The following PIEZO2 variants were observed in gnomAD, a reference collection of about 807,000 sequenced individuals.
PIEZO2 encodes piezo type mechanosensitive ion channel component 2.
Under a neutral mutation model 337.3 loss-of-function variants are expected in PIEZO2, and 172 were observed. The ratio of observed to expected loss-of-function variants is 0.51; its 90% CI spans 0.45 to 0.58. The LOEUF (loss-of-function observed/expected upper bound fraction) is 0.58. PIEZO2 is among the 20% of genes least tolerant of loss of function. The pLI, the probability that PIEZO2 is intolerant of heterozygous loss-of-function variation, is 0.00. For missense variants in PIEZO2, 3,028 were observed against 3,391.3 expected (o/e 0.89, Z 2.66); for synonymous variants, 1,251 against 1,228.5 (o/e 1.02, Z -0.38).
rs367642769 is a variant in PIEZO2, at chr18:10,693,551, C to T, written c.7191-2168G>A. Among the ~76,000 whole-genome samples the T allele has an allele frequency of 5.9e-4, 88 of 149,134 alleles. 1 individual carries two copies. Among genetic ancestry groups the T allele is most frequent in the African/African-American group, 1.7e-3 (69 of 40,694 alleles). ...CATAAGGCATTTTTTTTTTTTAAGACGGGGTTTCACCATATTGGCCAGGCT... is the reference window on the plus strand; with the variant it reads ...CATAAGGCATTTTTTTTTTTTAAGATGGGGTTTCACCATATTGGCCAGGCT... On this transcript the variant is annotated intron_variant, in intron 47 of 55. Transcript: ENST00000674853.
rs2039339241 is a variant in PIEZO2 at position 11,099,039 on chromosome 18, A to G, written c.65-32817T>C. 6.6e-6 allele frequency among the ~76,000 whole-genome samples: 1 copy of G among 151,904 alleles called. No individual in the cohort carries two copies. Among genetic ancestry groups the G allele is most frequent in the Non-Finnish European group, 1.5e-5 (1 of 67,986 alleles). On this transcript the variant is annotated intron_variant, in intron 1 of 55. Transcript: ENST00000674853. The surrounding 1 kb of genome is among the most constrained non-coding windows in gnomAD (Gnocchi z 5.4). ...AGGCTGTCTCAAACTCCTTGGCTCA[A>G]GAGATCCTCTTGCCTCAGCCTCCCA... is the stretch of plus-strand genomic sequence containing the variant.
intron 1 of PIEZO2, among the ~76,000 whole-genome samples, chr18:11,119,429 C>A (rs1165852116): frequency 6.6e-6 from 1 of 152,108 alleles, no homozygotes; most frequent in African/African-American, 2.4e-5. Flanking sequence ...TGAGCCACCG[C>A]GCCCGGCCAA....
At chr18:10,765,690 A>C (rs960200578) in intron 21 of PIEZO2, among the ~76,000 whole-genome samples, 3 of 152,260 alleles carry the variant, frequency 2.0e-5, no homozygotes, top group Admixed American at 2.0e-4. Flanking sequence ...CCTGGAGTTC[A>C]AAGAGAGTAG....
chr18:11,121,111 G>T (rs1308133099), intron 1 of PIEZO2, among the ~76,000 whole-genome samples: 5 of 151,794 alleles, frequency 3.3e-5, no homozygotes, highest in Admixed American at 3.3e-4. Flanking sequence ...AAATTAGCTG[G>T]GTGTGGTGAT....
intron 1 of PIEZO2, among the ~76,000 whole-genome samples, chr18:11,082,323 CTTT>C (rs148198844): frequency 6.9e-6 from 1 of 145,168 alleles, no homozygotes; most frequent in Non-Finnish European, 1.5e-5. Flanking sequence ...TTTTCTTTTT[CTTT>C]TTTTTTTTTG....
intron 49 of PIEZO2, among the ~76,000 whole-genome samples, chr18:10,685,172 C>G (rs1415414915): frequency 6.6e-6 from 1 of 152,180 alleles, no homozygotes. Flanking sequence ...TGCAGCCTGT[C>G]ACATTCAATG....
At chr18:10,946,755 T>G (rs1338150069) in intron 3 of PIEZO2, among the ~76,000 whole-genome samples, 1 of 152,192 alleles carries the variant, frequency 6.6e-6, no homozygotes, top group Non-Finnish European at 1.5e-5. Flanking sequence ...AAAACAAGAT[T>G]GAATAGTATC....
rs1269022730 is a variant in PIEZO2, at chr18:11,009,762, G to T, written c.161-30102C>A. 6.6e-6 allele frequency among the ~76,000 whole-genome samples: 1 copy of T among 152,110 alleles called. No individual in the cohort carries two copies. The highest frequency in any genetic ancestry group is 6.5e-5 in the Admixed American group (1 of 15,284). On this transcript the variant is annotated intron_variant, in intron 2 of 55. Coordinates refer to ENST00000674853, the MANE Select transcript of PIEZO2 (RefSeq NM_001378183.1). This position sits in a 1 kb window ranked among gnomAD's most constrained non-coding sequence, Gnocchi z 4.6. ...GGCCTTTAAAGAGGTAATTCAGGTA[G>T]CACGAGGTCATAGAGGTGGGCCTAA... is the stretch of plus-strand genomic sequence containing the variant.
chr18:10,817,467 T>C (rs1250950576), intron 7 of PIEZO2, among the ~76,000 whole-genome samples: 1 of 152,130 alleles, frequency 6.6e-6, no homozygotes, highest in Non-Finnish European at 1.5e-5. Context: ...AAAGGCAGAG[T>C]GTAAAAAATT....
Position 10,761,057 on chromosome 18 carries a change from G to A in PIEZO2, c.3304C>T (p.Gln1102Ter). Reference protein sequence around the residue: ...LAFEVTIYRHQEYYRGRNNLT... With the variant: ...LAFEVTIYRH ...TTATTTCGACCTCGATAGTATTCCT[G>A]ATGGCGGTAAATGGTGACTTCAAAG... The change falls in exon 24 of 56, where the codon CAG (glutamine) becomes TAG (stop). Residue 1102 changes from glutamine to a stop codon, truncating the protein, a stop_gained. Coordinates refer to ENST00000674853, the MANE Select transcript of PIEZO2 (RefSeq NM_001378183.1). LOFTEE classifies it high-confidence loss of function. 6.5e-7 allele frequency: 1 copy of A among 1,537,276 alleles called. No individual in the cohort carries two copies. Among genetic ancestry groups the A allele is most frequent in the Non-Finnish European group, 8.7e-7 (1 of 1,146,900 alleles).
At position 11,078,733 on chromosome 18, in the gene PIEZO2, C is replaced by T. The variant is rs2038637454; in HGVS notation, c.65-12511G>A. On this transcript the variant is annotated intron_variant, in intron 1 of 55. Transcript: ENST00000674853. This position sits in a 1 kb window ranked among gnomAD's most constrained non-coding sequence, Gnocchi z 5.3. ...TGTGAAAACCTCGCTCCCAGAGCAACATCCAAATAGCAATGAATTGGATGA... is the reference window on the plus strand; with the variant it reads ...TGTGAAAACCTCGCTCCCAGAGCAATATCCAAATAGCAATGAATTGGATGA... Among the ~76,000 whole-genome samples the T allele has an allele frequency of 1.3e-5, 2 of 152,202 alleles. No individual in the cohort carries two copies. The highest frequency in any genetic ancestry group is 2.9e-5 in the Non-Finnish European group (2 of 68,036).
At chr18:11,064,657 T>A (rs2038092865) in intron 2 of PIEZO2, among the ~76,000 whole-genome samples, 1 of 152,142 alleles carries the variant, frequency 6.6e-6, no homozygotes, top group Non-Finnish European at 1.5e-5. Flanking sequence ...CTGGTTAGTT[T>A]GGGAAAAAGA....
chr18:10,916,476 G>A (rs1415858467), intron 3 of PIEZO2, among the ~76,000 whole-genome samples: 6 of 152,268 alleles, frequency 3.9e-5, no homozygotes, highest in Middle Eastern at 3.4e-3. Flanking sequence ...TGGCGCTGGC[G>A]GCCCAGGAGT....
chr18:11,011,362 G>A (rs1014016653), intron 2 of PIEZO2, among the ~76,000 whole-genome samples: 2 of 152,090 alleles, frequency 1.3e-5, no homozygotes, highest in Non-Finnish European at 2.9e-5. Context: ...GTCTCTCTTT[G>A]TAATTAAAAT....
At chr18:10,924,658 A>C (rs1218825624) in intron 3 of PIEZO2, among the ~76,000 whole-genome samples, 1 of 152,230 alleles carries the variant, frequency 6.6e-6, no homozygotes, top group Non-Finnish European at 1.5e-5. Flanking sequence ...TTCTCTTTTG[A>C]GAGAAATAAG....
intron 44 of PIEZO2, among the ~76,000 whole-genome samples, chr18:10,698,313 A>T (rs1263130560): frequency 1.3e-5 from 2 of 152,170 alleles, no homozygotes; most frequent in African/African-American, 2.4e-5. Flanking sequence ...AGCTTCAGAC[A>T]GGAGCCCCGT....
At chr18:10,674,486 C>T (rs2033906580) in intron 54 of PIEZO2, among the ~76,000 whole-genome samples, 1 of 152,248 alleles carries the variant, frequency 6.6e-6, no homozygotes, top group South Asian at 2.1e-4. Context: ...CTCCATTGGG[C>T]CTCTACTAGG....
intron 48 of PIEZO2, among the ~76,000 whole-genome samples, chr18:10,690,513 C>T (rs763849553): frequency 4.6e-5 from 7 of 152,134 alleles, no homozygotes; most frequent in Admixed American, 2.0e-4. Context: ...AAATCCAATC[C>T]CTGGAAGCAA....
intron 3 of PIEZO2, among the ~76,000 whole-genome samples, chr18:10,970,660 T>A (rs2034200243): frequency 1.5e-5 from 2 of 137,434 alleles, no homozygotes; most frequent in East Asian, 2.2e-4. Context: ...AAAAGATGTT[T>A]CACACACACA....
Sources: gnomAD v4.1 joint callset for allele counts (sites outside exome capture counted in the v4.1 genomes callset) on GRCh38, gnomAD v4.1.1 for gene constraint, Gnocchi (gnomAD v3.1) non-coding constraint, MANE v1.5 for transcripts, NCBI Gene and HGNC (gene_info 2026-07-23, HGNC 2026-07-21) for gene names.